The following BLTP3B variants were observed in gnomAD, a reference collection of about 807,000 sequenced individuals.
The protein encoded by BLTP3B is UHRF1 (ICBP90) binding protein 1-like.
the BLTP3B span, chr12:100,083,066 G>C: frequency 6.2e-7 from 1 of 1,613,786 alleles, no homozygotes. Flanking sequence ...CTAGACATTA[G>C]CTTAGCTTTT....
the BLTP3B span, chr12:100,047,790 A>G: frequency 1.2e-5 from 13 of 1,123,260 alleles, no homozygotes; most frequent in African/African-American, 2.1e-4. Context: ...CTAATTTCCA[A>G]AAAAGATCTC....
At chr12:100,058,426 A>G in the BLTP3B span, 1 of 1,613,160 alleles carries the variant, frequency 6.2e-7, no homozygotes, top group Non-Finnish European at 8.5e-7. Context: ...TCACTAGCTG[A>G]TTTAAAAAGC....
the BLTP3B span, among the ~76,000 whole-genome samples, chr12:100,044,514 T>A: frequency 6.6e-6 from 1 of 152,142 alleles, no homozygotes; most frequent in Admixed American, 6.5e-5. Context: ...TTTCCACTAC[T>A]CACTACCTTA....
At chr12:100,115,682 C>G in the BLTP3B span, among the ~76,000 whole-genome samples, 40 of 151,756 alleles carry the variant, frequency 2.6e-4, no homozygotes, top group African/African-American at 9.7e-4. Flanking sequence ...GAAGATCCCT[C>G]AAGCCCGGGA....
the BLTP3B span, among the ~76,000 whole-genome samples, chr12:100,130,941 CATACATACAT>C: frequency 7.8e-6 from 1 of 127,706 alleles, no homozygotes; most frequent in Non-Finnish European, 1.6e-5. Flanking sequence ...TACATACATA[CATACATACAT>C]ATATATATAT....
At chr12:100,080,358 T>G in the BLTP3B span, among the ~76,000 whole-genome samples, 1 of 151,872 alleles carries the variant, frequency 6.6e-6, no homozygotes, top group African/African-American at 2.4e-5. Flanking sequence ...TCTTTTTTTT[T>G]TTTTTTTGTT....
chr12:100,130,978 GGAGGGAGA>G, the BLTP3B span, among the ~76,000 whole-genome samples: 3 of 31,138 alleles, frequency 9.6e-5, no homozygotes, highest in South Asian at 1.4e-3. Context: ...AGAGAGAGAG[GGAGGGAGA>G]GAGAGAGAGA....
At chr12:100,130,982 GGAGAGAGAGAGAGAGAGAGAGAGA>G in the BLTP3B span, among the ~76,000 whole-genome samples, 15 of 62,242 alleles carry the variant, frequency 2.4e-4, no homozygotes, top group Admixed American at 3.8e-4. Flanking sequence ...AGAGAGGGAG[GGAGAGAGAGAGAGAGAGAGAGAGA>G]GAGAGAGAGA....
chr12:100,132,479 T>G, the BLTP3B span, among the ~76,000 whole-genome samples: 1 of 152,272 alleles, frequency 6.6e-6, no homozygotes, highest in East Asian at 1.9e-4. Flanking sequence ...GCGTAGGTTG[T>G]TATAAAGCCA....
chr12:100,060,021 G>A, the BLTP3B span: 1 of 1,600,880 alleles, frequency 6.2e-7, no homozygotes. Flanking sequence ...CATTCAGCTG[G>A]CTATAGAGGT....
At chr12:100,084,378 TCACACACACA>T in the BLTP3B span, 33,045 of 663,186 alleles carry the variant, frequency 0.05, 843 homozygotes, top group African/African-American at 0.12. Context: ...AATACTATGA[TCACACACACA>T]CACACACACA....
chr12:100,085,534 A>T, the BLTP3B span, among the ~76,000 whole-genome samples: 7 of 152,324 alleles, frequency 4.6e-5, no homozygotes, highest in African/African-American at 1.7e-4. Context: ...AAAAAAAATC[A>T]TACAACTTTT....
the BLTP3B span, among the ~76,000 whole-genome samples, chr12:100,089,274 A>G: frequency 6.6e-6 from 1 of 152,226 alleles, no homozygotes; most frequent in African/African-American, 2.4e-5. Flanking sequence ...ACTAAAATTT[A>G]AAAACGGTAA....
At chr12:100,039,377 C>A in the BLTP3B span, among the ~76,000 whole-genome samples, 1 of 152,014 alleles carries the variant, frequency 6.6e-6, no homozygotes, top group Non-Finnish European at 1.5e-5. Flanking sequence ...GGAAAAATCA[C>A]AAAAATACTG....
At chr12:100,075,466 A>C in the BLTP3B span, among the ~76,000 whole-genome samples, 2 of 152,210 alleles carry the variant, frequency 1.3e-5, no homozygotes, top group Non-Finnish European at 2.9e-5. Context: ...CGGCAATCAC[A>C]ACAAAAACAA....
At chr12:100,131,496 T>C in the BLTP3B span, among the ~76,000 whole-genome samples, 1 of 152,004 alleles carries the variant, frequency 6.6e-6, no homozygotes, top group South Asian at 2.1e-4. Flanking sequence ...ATAGTAAATA[T>C]GCATAAAGTT....
At chr12:100,042,991 G>T in the BLTP3B span, among the ~76,000 whole-genome samples, 51 of 152,248 alleles carry the variant, frequency 3.3e-4, no homozygotes, top group African/African-American at 1.1e-3. Flanking sequence ...ACAGACAAGG[G>T]TTTCACCATG....
chr12:100,046,918 AGAAAGAGATCAACT>A, the BLTP3B span, among the ~76,000 whole-genome samples: 1 of 152,204 alleles, frequency 6.6e-6, no homozygotes, highest in African/African-American at 2.4e-5. Flanking sequence ...AATAAAGCTA[AGAAAGAGATCAACT>A]GAGAGACACA....
chr12:100,140,729 A>ATATATATATAT, the BLTP3B span, among the ~76,000 whole-genome samples: 5 of 61,488 alleles, frequency 8.1e-5, no homozygotes, highest in African/African-American at 5.1e-4. Context: ...AAAAAAAAAA[A>ATATATATATAT]ATATATATAT....
Sources: allele counts gnomAD v4.1 joint callset (sites outside exome capture counted in the v4.1 genomes callset), GRCh38; gene constraint gnomAD v4.1.1; transcripts MANE v1.5; gene names NCBI Gene and HGNC (gene_info 2026-07-23, HGNC 2026-07-21).